The following RALYL variants were observed in gnomAD, a reference collection of about 807,000 sequenced individuals.
The protein encoded by RALYL is RNA-binding Raly-like protein.
In RALYL, 29 loss-of-function variants were observed where a neutral mutation model predicts 35.1. That is an observed-to-expected ratio of 0.83 (90% CI 0.61 to 1.13). RALYL has a LOEUF of 1.13. RALYL is among the 50% of genes most tolerant of loss of function. The pLI is 0.00. For synonymous variants in RALYL, 120 were observed against 127.6 expected, an observed-to-expected ratio of 0.94 and a Z score of 0.40; for missense variants, 359 against 360.4, an observed-to-expected ratio of 1.00 and a Z score of 0.03.
intron 2 of RALYL, among the ~76,000 whole-genome samples, chr8:84,654,549 G>C (rs1314349725): frequency 2.0e-5 from 3 of 151,398 alleles, no homozygotes; most frequent in Non-Finnish European, 4.4e-5. Flanking sequence ...ACTATTTTCT[G>C]TACCCATTAA....
chr8:84,335,513 T>C (rs1257361324), intron 1 of RALYL, among the ~76,000 whole-genome samples: 2 of 152,032 alleles, frequency 1.3e-5, no homozygotes, highest in African/African-American at 4.8e-5. Context: ...GTCAGGAACC[T>C]ATTGTGCAAA....
At chr8:84,877,364 G>T (rs916348541) in intron 7 of RALYL, among the ~76,000 whole-genome samples, 1 of 152,082 alleles carries the variant, frequency 6.6e-6, no homozygotes, top group African/African-American at 2.4e-5. Flanking sequence ...GCACATGCCT[G>T]TAATCCCAGC....
At chr8:84,650,471 A>G (rs1452613252) in intron 2 of RALYL, among the ~76,000 whole-genome samples, 7 of 152,266 alleles carry the variant, frequency 4.6e-5, no homozygotes, top group Admixed American at 4.6e-4. Flanking sequence ...ACATGAAAAA[A>G]TGCTCACCAT....
intron 1 of RALYL, among the ~76,000 whole-genome samples, chr8:84,329,373 G>T (rs1203944053): frequency 6.6e-6 from 1 of 151,894 alleles, no homozygotes; most frequent in East Asian, 1.9e-4. Context: ...AGAATATTTT[G>T]TCATGTTTAT....
intron 1 of RALYL, among the ~76,000 whole-genome samples, chr8:84,501,710 G>A (rs969605924): frequency 3.3e-5 from 5 of 151,454 alleles, no homozygotes; most frequent in African/African-American, 1.2e-4. Flanking sequence ...TTATCTGTCT[G>A]TCTCTTTCTC....
chr8:84,546,937 T>C (rs1490052820), intron 2 of RALYL, among the ~76,000 whole-genome samples: 1 of 150,664 alleles, frequency 6.6e-6, no homozygotes, highest in East Asian at 1.9e-4. Flanking sequence ...GCTATTAGAT[T>C]TACATCTTAG....
intron 1 of RALYL, among the ~76,000 whole-genome samples, chr8:84,286,135 G>T (rs1287214377): frequency 6.6e-6 from 1 of 152,020 alleles, no homozygotes; most frequent in Non-Finnish European, 1.5e-5. Flanking sequence ...TGAAGCCAAG[G>T]ATGACTTGAA....
At position 84,524,996 on chromosome 8, in the gene RALYL, G is replaced by A. The variant is rs193046471; in HGVS notation, c.-23-4303G>A. Among the ~76,000 whole-genome samples the A allele has an allele frequency of 1.7e-3, 160 of 95,034 alleles. 4 individuals are homozygous for A. The highest frequency in any genetic ancestry group is 3.5e-3 in the Non-Finnish European group (144 of 40,916). 62.3% of individuals were successfully genotyped at this position (95,034 alleles called of 152,430 possible). A position where few individuals can be genotyped will look rare whatever the true frequency, so the allele number is the denominator to read the frequency against. Reference sequence around the variant, plus strand: ...TGTCTAGAAGGCAAGATCCCTGTTAGCCTTTCGGGGTAGAGCAATTCATTA... The same window carrying A: ...TGTCTAGAAGGCAAGATCCCTGTTAACCTTTCGGGGTAGAGCAATTCATTA... On this transcript the variant is annotated intron_variant, in intron 1 of 8. Transcript: ENST00000521268.
At position 84,710,356 on chromosome 8, in the gene RALYL, G is replaced by A. The variant is rs181174154; in HGVS notation, c.257-64223G>A. On this transcript the variant is annotated intron_variant, in intron 2 of 8. Transcript: ENST00000521268. ...CTCTGTCACCAAGCTGGAGTGCAGC[G>A]GTACAATCTCAGCTCACTGCACTGC... Among the ~76,000 whole-genome samples the A allele has an allele frequency of 7.9e-5, 12 of 152,156 alleles. 1 individual carries two copies. Among genetic ancestry groups the A allele is most frequent in the South Asian group, 2.1e-4 (1 of 4,814 alleles).
chr8:84,448,215 G>A (rs190553611), intron 1 of RALYL, among the ~76,000 whole-genome samples: 14 of 152,016 alleles, frequency 9.2e-5, no homozygotes, highest in Admixed American at 3.9e-4. Context: ...CATACCTAGT[G>A]TCATATCCTA....
At chr8:84,744,052 A>G (rs1808027108) in intron 2 of RALYL, among the ~76,000 whole-genome samples, 1 of 151,924 alleles carries the variant, frequency 6.6e-6, no homozygotes, top group South Asian at 2.1e-4. Context: ...TCCACTTAAT[A>G]CCTCTGAACT....
chr8:84,827,139 G>A (rs2134320862), intron 4 of RALYL, among the ~76,000 whole-genome samples: 1 of 152,038 alleles, frequency 6.6e-6, no homozygotes, highest in Admixed American at 6.6e-5. Flanking sequence ...AGATCAAAAA[G>A]ATAAACAGAT....
At chr8:84,476,807 AAGG>A (rs1432611873) in intron 1 of RALYL, among the ~76,000 whole-genome samples, 3 of 152,204 alleles carry the variant, frequency 2.0e-5, no homozygotes, top group Non-Finnish European at 4.4e-5. Flanking sequence ...GCACAACATT[AAGG>A]AGAAGTTTTA....
chr8:84,212,098 G>A (rs1438516599), intron 1 of RALYL, among the ~76,000 whole-genome samples: 2 of 152,088 alleles, frequency 1.3e-5, no homozygotes, highest in African/African-American at 4.8e-5. Context: ...TAGCTCTTCT[G>A]AGTATAAAAT....
At chr8:84,703,104 A>C (rs955521374) in intron 2 of RALYL, among the ~76,000 whole-genome samples, 21 of 151,926 alleles carry the variant, frequency 1.4e-4, no homozygotes, top group Non-Finnish European at 2.5e-4. Context: ...TTCCACTTTC[A>C]CCAAGGACTC....
At chr8:84,576,702 G>C (rs112514557) in intron 2 of RALYL, among the ~76,000 whole-genome samples, 1 of 152,244 alleles carries the variant, frequency 6.6e-6, no homozygotes, top group East Asian at 1.9e-4. Context: ...TAAATATCCA[G>C]ATCTAGATCT....
intron 1 of RALYL, among the ~76,000 whole-genome samples, chr8:84,512,773 G>T (rs968882709): frequency 3.9e-5 from 6 of 152,106 alleles, no homozygotes; most frequent in Admixed American, 1.3e-4. Context: ...AGCACCATTT[G>T]TTGAAGAGGG....
At chr8:84,495,470 A>C (rs993859345) in intron 1 of RALYL, among the ~76,000 whole-genome samples, 5 of 152,050 alleles carry the variant, frequency 3.3e-5, no homozygotes, top group African/African-American at 1.2e-4. Context: ...TGTATTTCTC[A>C]ATTTATATTT....
intron 1 of RALYL, among the ~76,000 whole-genome samples, chr8:84,214,441 A>G (rs916323244): frequency 6.6e-6 from 1 of 152,120 alleles, no homozygotes; most frequent in African/African-American, 2.4e-5. Context: ...TAATATTTGC[A>G]TATATATTCA....
Sources: allele counts gnomAD v4.1 joint callset (sites outside exome capture counted in the v4.1 genomes callset), GRCh38; gene constraint gnomAD v4.1.1; transcripts MANE v1.5; gene names NCBI Gene and HGNC (gene_info 2026-07-23, HGNC 2026-07-21).